MROH9: variants seen among roughly 807,000 people sequenced by gnomAD.
MROH9 encodes maestro heat like repeat family member 9, also known as maestro heat-like repeat-containing protein family member 9.
MROH9 carries 92 observed loss-of-function variants against 98.2 expected under a neutral mutation model. The observed-to-expected ratio is 0.94, with a 90% CI of 0.79 to 1.11. The LOEUF (loss-of-function observed/expected upper bound fraction) is 1.11. Ranked by LOEUF, MROH9 falls within the 50% of genes most tolerant of loss-of-function variation. The pLI is 0.00. For missense variants in MROH9, 1,057 were observed against 1,014.8 expected, an observed-to-expected ratio of 1.04 and a Z score of -0.57; for synonymous variants, 397 against 368.9, an observed-to-expected ratio of 1.08 and a Z score of -0.87.
chr1:170,939,512 A>G (rs943992819), intron 1 of MROH9, among the ~76,000 whole-genome samples: 2 of 152,242 alleles, frequency 1.3e-5, no homozygotes, highest in Non-Finnish European at 1.5e-5. Context: ...TCAATTGATC[A>G]TAGGGAACTC....
chr1:171,064,293 G>T lies in MROH9; in HGVS notation c.2539G>T (p.Asp847Tyr). ...TTATAACTCACCCAATGGCCAGATA[G>T]ACAGTCCTACAGACAGTAAAGATGT... Reference protein sequence around the residue: ...YNYNSPNGQIDSPTDSKDVKN... With the variant: ...YNYNSPNGQIYSPTDSKDVKN... Residue 847 changes from aspartate (D) to tyrosine (Y), a missense_variant, in exon 22 of 22, where the codon GAC becomes TAC. Physicochemically the swap from Asp to Tyr is radical, Grantham distance 160. Coordinates refer to ENST00000367759, the MANE Select transcript of MROH9 (RefSeq NM_001163629.2). 6.4e-7 allele frequency: 1 copy of T among 1,551,032 alleles called. No homozygotes were observed. The highest frequency in any genetic ancestry group is 8.7e-7 in the Non-Finnish European group (1 of 1,146,634).
intron 20 of MROH9, among the ~76,000 whole-genome samples, chr1:171,040,914 A>G (rs965575924): frequency 1.3e-5 from 2 of 152,108 alleles, no homozygotes; most frequent in Admixed American, 1.3e-4. Context: ...TCTGAAAATT[A>G]CATGTTTATC....
At chr1:170,963,217 A>T (rs1185620677) in intron 6 of MROH9, among the ~76,000 whole-genome samples, 1 of 152,062 alleles carries the variant, frequency 6.6e-6, no homozygotes, top group Non-Finnish European at 1.5e-5. Context: ...GGCCAACAAG[A>T]ATATGAAAAA....
intron 15 of MROH9, chr1:170,998,634 A>T (rs138224346): frequency 2.2e-5 from 27 of 1,201,194 alleles, no homozygotes; most frequent in Non-Finnish European, 2.6e-5. Flanking sequence ...TCTAGGCAGT[A>T]CTTCTGACCA....
chr1:171,053,346 G>C (rs1399028221), intron 20 of MROH9, among the ~76,000 whole-genome samples: 1 of 152,138 alleles, frequency 6.6e-6, no homozygotes, highest in Middle Eastern at 3.2e-3. Flanking sequence ...CTTTCAAAAG[G>C]GATCTGTGAT....
chr1:171,045,326 T>G (rs113816509), intron 20 of MROH9, among the ~76,000 whole-genome samples: 13,652 of 152,066 alleles, frequency 0.09, 763 homozygotes, highest in Middle Eastern at 0.22. Flanking sequence ...ATTTCTTTTC[T>G]TTTACTAATT....
Position 170,992,208 on chromosome 1 carries a change from T to C in MROH9, c.1073T>C (p.Val358Ala). Reference sequence around the variant, plus strand: ...AAGGCGGCATGTTCTCAGGCGAGCGTGGCCCCTCACGTGCTGAAGACAATC... The same window carrying C: ...AAGGCGGCATGTTCTCAGGCGAGCGCGGCCCCTCACGTGCTGAAGACAATC... ...MWKAACSQAS[V>A]APHVLKTILL... Residue 358 changes from valine (V) to alanine (A), a missense_variant, in exon 12 of 22, where the codon GTG becomes GCG. Coordinates refer to ENST00000367759, the MANE Select transcript of MROH9 (RefSeq NM_001163629.2). 6.2e-7 allele frequency: 1 copy of C among 1,613,230 alleles called. No individual in the cohort carries two copies. Among genetic ancestry groups the C allele is most frequent in the Non-Finnish European group, 8.5e-7 (1 of 1,179,562 alleles).
At chr1:170,951,906 C>A (rs1452624297) in intron 3 of MROH9, among the ~76,000 whole-genome samples, 1 of 152,110 alleles carries the variant, frequency 6.6e-6, no homozygotes, top group Non-Finnish European at 1.5e-5. Flanking sequence ...TGGGTTACAG[C>A]AGCCATGGGA....
Position 171,009,494 on chromosome 1 carries a change from A to T in MROH9, c.1597-4623A>T, listed in dbSNP as rs556699820. ...TATCAGAAAGCAAATAAGTAAATAT[A>T]TTAATCCTATTAGATGCCAGGGTTT... On this transcript the variant is annotated intron_variant, in intron 15 of 21. Coordinates refer to ENST00000367759, the MANE Select transcript of MROH9 (RefSeq NM_001163629.2). Among the ~76,000 whole-genome samples, 8 of 152,348 alleles carry T rather than the reference A, an allele frequency of 5.3e-5. No individual in the cohort carries two copies. The South Asian group carries it at 1.7e-3, about 32-fold the overall frequency.
At chr1:170,937,353 G>A (rs1648927202) in intron 1 of MROH9, among the ~76,000 whole-genome samples, 1 of 152,034 alleles carries the variant, frequency 6.6e-6, no homozygotes, top group Non-Finnish European at 1.5e-5. Context: ...ACTAGAATAT[G>A]AAGTCATTGC....
chr1:170,956,011 T>G (rs2101885108), intron 3 of MROH9, among the ~76,000 whole-genome samples: 1 of 152,308 alleles, frequency 6.6e-6, no homozygotes, highest in Admixed American at 6.5e-5. Flanking sequence ...GAGATGAGGA[T>G]CCAGTTTCAT....
intron 4 of MROH9, 29 bp downstream of exon 4, chr1:170,958,569 T>C: frequency 1.4e-6 from 2 of 1,411,872 alleles, no homozygotes; most frequent in Non-Finnish European, 2.0e-6. Flanking sequence ...CTCTTTTATT[T>C]CACTAATTGG....
intron 20 of MROH9, among the ~76,000 whole-genome samples, chr1:171,026,012 G>A (rs149839077): frequency 9.9e-5 from 15 of 152,158 alleles, no homozygotes; most frequent in African/African-American, 3.4e-4. Flanking sequence ...CTTGGCAGTC[G>A]GATCTTCCCT....
At chr1:170,964,261 T>G (rs1650140873) in intron 6 of MROH9, among the ~76,000 whole-genome samples, 1 of 152,112 alleles carries the variant, frequency 6.6e-6, no homozygotes, top group South Asian at 2.1e-4. Context: ...GGAAGCCTGT[T>G]ACTTAACCAC....
intron 8 of MROH9, among the ~76,000 whole-genome samples, chr1:170,974,630 T>G (rs1650614467): frequency 6.6e-6 from 1 of 152,036 alleles, no homozygotes; most frequent in African/African-American, 2.4e-5. Flanking sequence ...GTAGAATTAA[T>G]TACCATAAGA....
chr1:171,050,000 G>A (rs1653614377), intron 20 of MROH9, among the ~76,000 whole-genome samples: 1 of 152,106 alleles, frequency 6.6e-6, no homozygotes, highest in African/African-American at 2.4e-5. Context: ...TTCTTATTGA[G>A]TTGTTTGAAT....
chr1:171,024,463 C>T lies in MROH9; in HGVS notation c.1977C>T (p.Tyr659=), dbSNP rs1402448754. The T allele has an allele frequency of 5.2e-6, 8 of 1,550,814 alleles. No individual in the cohort carries two copies. In the Admixed American group the frequency reaches 1.4e-4, roughly 27 times the overall value. ...AATTAGTTAGGGATATGAGACAGTA[C>T]ACATGGATGGTGAATGATGTGGTTC... The part of the protein sequence containing the change: ...FGQLVRDMRQ[Y]TWMVNDVVLE... The change falls in exon 18 of 22, where the codon TAC becomes TAT. Residue 659 remains tyrosine (Y), a synonymous_variant. Transcript: ENST00000367759.
intron 20 of MROH9, among the ~76,000 whole-genome samples, chr1:171,031,091 G>A (rs1008465854): frequency 2.0e-5 from 3 of 152,096 alleles, no homozygotes; most frequent in African/African-American, 7.2e-5. Flanking sequence ...TTTTGTCAGA[G>A]ACTAGCATTG....
rs147149577 is a variant in MROH9 at position 171,034,995 on chromosome 1, A to G, written c.2281+9575A>G. On this transcript the variant is annotated intron_variant, in intron 20 of 21. Transcript: ENST00000367759. ...CAACGACAATTGGAAGTGCACAAAC[A>G]AAAGGACTCCTGACACCCTACACAA... is the stretch of plus-strand genomic sequence containing the variant. Among the ~76,000 whole-genome samples, 721 of 152,338 alleles carry G rather than the reference A, an allele frequency of 4.7e-3. 5 individuals are homozygous for G. The highest frequency in any genetic ancestry group is 0.016 in the African/African-American group (648 of 41,582).
Sources: allele counts gnomAD v4.1 joint callset (sites outside exome capture counted in the v4.1 genomes callset), GRCh38; gene constraint gnomAD v4.1.1; transcripts MANE v1.5; gene names NCBI Gene and HGNC (gene_info 2026-07-23, HGNC 2026-07-21).